DCDC1: variants seen among roughly 807,000 people sequenced by gnomAD.
DCDC1 encodes doublecortin domain containing 1.
Under a neutral mutation model 178.3 loss-of-function variants are expected in DCDC1, and 200 were observed. The observed-to-expected ratio is 1.12, with a 90% CI of 1.00 to 1.26. The LOEUF (loss-of-function observed/expected upper bound fraction) is 1.26. Ranked by LOEUF, DCDC1 falls within the 50% of genes most tolerant of loss-of-function variation. The pLI is 0.00. For missense variants in DCDC1, 1,983 were observed against 1,749.2 expected, an observed-to-expected ratio of 1.13 and a Z score of -2.38; for synonymous variants, 690 against 604.8, an observed-to-expected ratio of 1.14 and a Z score of -2.07.
At chr11:31,107,432 T>A (rs1958925145) in intron 12 of DCDC1, among the ~76,000 whole-genome samples, 1 of 152,176 alleles carries the variant, frequency 6.6e-6, no homozygotes, top group Admixed American at 6.5e-5. Context: ...AAATGACTTT[T>A]AGCCTAAGTT....
intron 9 of DCDC1, among the ~76,000 whole-genome samples, chr11:31,214,481 T>G (rs1267353876): frequency 6.6e-6 from 1 of 152,180 alleles, no homozygotes; most frequent in African/African-American, 2.4e-5. Flanking sequence ...AGAGGAATTA[T>G]CAGTGGGCCT....
At chr11:30,914,132 AC>A (rs1945653441) in intron 27 of DCDC1, among the ~76,000 whole-genome samples, 1 of 152,234 alleles carries the variant, frequency 6.6e-6, no homozygotes, top group South Asian at 2.1e-4. Context: ...CATATGGCAA[AC>A]CATTCACAGA....
At chr11:31,261,572 T>G (rs1203127229) in intron 8 of DCDC1, among the ~76,000 whole-genome samples, 1 of 152,160 alleles carries the variant, frequency 6.6e-6, no homozygotes, top group Non-Finnish European at 1.5e-5. Context: ...ATTTACACAG[T>G]ATTAGGTATT....
chr11:31,153,473 A>C (rs977457788), intron 9 of DCDC1, among the ~76,000 whole-genome samples: 1 of 152,142 alleles, frequency 6.6e-6, no homozygotes, highest in African/African-American at 2.4e-5. Flanking sequence ...TGGGATGTGG[A>C]GAATATAAGG....
intron 9 of DCDC1, among the ~76,000 whole-genome samples, chr11:31,189,705 C>T (rs1969918361): frequency 6.6e-6 from 1 of 152,160 alleles, no homozygotes; most frequent in African/African-American, 2.4e-5. Flanking sequence ...ACATCACTCT[C>T]TCTCCCTGTG....
chr11:30,937,384 G>T (rs567188675), intron 21 of DCDC1, among the ~76,000 whole-genome samples: 1 of 152,162 alleles, frequency 6.6e-6, no homozygotes, highest in East Asian at 1.9e-4. Context: ...TACTCAAAAG[G>T]AACCCCTGAC....
intron 30 of DCDC1, chr11:30,906,314 G>T (rs1029656944): frequency 1.1e-5 from 5 of 450,154 alleles, no homozygotes; most frequent in East Asian, 9.6e-5. Flanking sequence ...TAAAGCTGCA[G>T]AAGTGCCCAA....
chr11:30,979,632 A>G (rs1950285011), intron 20 of DCDC1, among the ~76,000 whole-genome samples: 1 of 152,188 alleles, frequency 6.6e-6, no homozygotes, highest in South Asian at 2.1e-4. Flanking sequence ...AGTGAGGGAA[A>G]TCAGGTCCAA....
At chr11:31,257,462 A>G (rs1363774149) in intron 8 of DCDC1, among the ~76,000 whole-genome samples, 3 of 152,190 alleles carry the variant, frequency 2.0e-5, no homozygotes, top group African/African-American at 7.2e-5. Context: ...CAGTTAAGAT[A>G]CAGAAACTAT....
intron 1 of DCDC1, among the ~76,000 whole-genome samples, chr11:31,358,953 T>G (rs1951550698): frequency 6.6e-6 from 1 of 152,200 alleles, no homozygotes; most frequent in South Asian, 2.1e-4. Context: ...AGAGAGGATG[T>G]GGAGAAATAG....
At chr11:31,310,239 G>T (rs1328392948) in intron 3 of DCDC1, among the ~76,000 whole-genome samples, 4 of 149,880 alleles carry the variant, frequency 2.7e-5, no homozygotes, top group Non-Finnish European at 5.9e-5. Context: ...AATATTATTG[G>T]TCCACTATGA....
At chr11:31,096,765 T>C (rs144276386) in intron 15 of DCDC1, among the ~76,000 whole-genome samples, 35 of 152,186 alleles carry the variant, frequency 2.3e-4, no homozygotes, top group African/African-American at 8.2e-4. Context: ...GGCCATTACA[T>C]TTTTCTTCTG....
chr11:31,177,066 C>T (rs971735966), intron 9 of DCDC1, among the ~76,000 whole-genome samples: 2 of 151,896 alleles, frequency 1.3e-5, no homozygotes, highest in African/African-American at 4.8e-5. Context: ...GGTTTAAAGT[C>T]AAAATGGTCA....
At chr11:31,001,058 G>A (rs1054602682) in intron 20 of DCDC1, among the ~76,000 whole-genome samples, 1 of 152,062 alleles carries the variant, frequency 6.6e-6, no homozygotes, top group African/African-American at 2.4e-5. Flanking sequence ...GTGAAATTAT[G>A]ATTTTTCTAA....
chr11:30,882,298 CT>C (rs889186148), intron 36 of DCDC1: 2 of 152,140 alleles, frequency 1.3e-5, no homozygotes, highest in African/African-American at 4.8e-5. Flanking sequence ...AAAAGCGCAG[CT>C]TTTCACCCAG....
At chr11:31,047,788 C>T (rs899223722) in intron 20 of DCDC1, among the ~76,000 whole-genome samples, 2 of 151,984 alleles carry the variant, frequency 1.3e-5, no homozygotes, top group African/African-American at 4.8e-5. Flanking sequence ...TTCTCTACAT[C>T]CTATGATAAC....
At chr11:30,913,687 C>T (rs552808534) in intron 27 of DCDC1, among the ~76,000 whole-genome samples, 1 of 152,220 alleles carries the variant, frequency 6.6e-6, no homozygotes, top group Admixed American at 6.5e-5. Flanking sequence ...TCCTTCTCTT[C>T]TGTGTTATAC....
At chr11:30,896,767 A>G (rs1473255976) in intron 34 of DCDC1, among the ~76,000 whole-genome samples, 2 of 152,226 alleles carry the variant, frequency 1.3e-5, no homozygotes, top group East Asian at 3.8e-4. Flanking sequence ...TTATATACTA[A>G]CCATGTAGTA....
intron 9 of DCDC1, among the ~76,000 whole-genome samples, chr11:31,195,160 T>C (rs1970548295): frequency 6.6e-6 from 1 of 152,100 alleles, no homozygotes; most frequent in Non-Finnish European, 1.5e-5. Flanking sequence ...AGCAGTCTCC[T>C]ACAAGAGCTC....
Sources: allele counts gnomAD v4.1 joint callset (sites outside exome capture counted in the v4.1 genomes callset), GRCh38; gene constraint gnomAD v4.1.1; transcripts MANE v1.5; gene names NCBI Gene and HGNC (gene_info 2026-07-23, HGNC 2026-07-21).